The following PLXNA4 variants were observed in gnomAD, a reference collection of about 807,000 sequenced individuals.
PLXNA4 encodes plexin A4, also known as plexin-A4.
In PLXNA4, 44 loss-of-function variants were observed where a neutral mutation model predicts 191.8. That is an observed-to-expected ratio of 0.23 (90% CI 0.18 to 0.29). The LOEUF is 0.29. Among genes scored for constraint, PLXNA4 ranks in the 10% least tolerant of loss-of-function variants. PLXNA4 has a pLI of 1.00. For synonymous variants in PLXNA4, 1,082 were observed against 1,009.5 expected (o/e 1.07, Z -1.36); for missense variants, 1,800 against 2,488.8 (o/e 0.72, Z 5.89).
Position 132,129,424 on chromosome 7 carries a change from T to C in PLXNA4, c.*1055A>G, listed in dbSNP as rs1271299740. The C allele has an allele frequency of 3.9e-5, 6 of 152,158 alleles. No individual in the cohort carries two copies. The highest frequency in any genetic ancestry group is 8.8e-5 in the Non-Finnish European group (6 of 68,044). 9.4% of individuals were successfully genotyped at this position (152,158 alleles called of 1,614,324 possible). On this transcript the variant is annotated 3_prime_UTR_variant, in exon 32 of 32. Transcript: ENST00000321063. ...CCGTCTATGGAGTTCTCAGGAAGGATGATGGGGATGGAGCCATGGAGATGG... is the reference window on the plus strand; with the variant it reads ...CCGTCTATGGAGTTCTCAGGAAGGACGATGGGGATGGAGCCATGGAGATGG...
chr7:132,550,936 T>C lies in PLXNA4; in HGVS notation c.-87+25486A>G, dbSNP rs199772375. Among the ~76,000 whole-genome samples the C allele has an allele frequency of 2.0e-4, 30 of 152,260 alleles. 1 individual carries two copies. In the East Asian group the frequency reaches 4.4e-3, roughly 23 times the overall value. On this transcript the variant is annotated intron_variant, in intron 1 of 31. Coordinates refer to ENST00000321063, the MANE Select transcript of PLXNA4 (RefSeq NM_020911.2). ...CAGCTCCTCAAAAACAAGCCCCACC[T>C]CTTCCTTCTCCTGCATTCTCTCCCT...
At chr7:132,217,952 G>A (rs1445567342) in intron 9 of PLXNA4, among the ~76,000 whole-genome samples, 1 of 147,596 alleles carries the variant, frequency 6.8e-6, no homozygotes, top group African/African-American at 2.5e-5. Flanking sequence ...AGGCATGGCA[G>A]GGGTGGTTTG....
Position 132,388,329 on chromosome 7 carries a change from A to C in PLXNA4, c.1372-90107T>G, listed in dbSNP as rs116740565. On this transcript the variant is annotated intron_variant, in intron 3 of 31. Coordinates refer to ENST00000321063, the MANE Select transcript of PLXNA4 (RefSeq NM_020911.2). Reference sequence around the variant, plus strand: ...ATCACTAAAACACAGAGCTGGGGAGACCCTGGAAACTGAGGACCCCCAATG... The same window carrying C: ...ATCACTAAAACACAGAGCTGGGGAGCCCCTGGAAACTGAGGACCCCCAATG... Among the ~76,000 whole-genome samples, 269 of 151,818 alleles carry C rather than the reference A, an allele frequency of 1.8e-3. 2 individuals carry two copies. The highest frequency in any genetic ancestry group is 6.3e-3 in the African/African-American group (261 of 41,354).
intron 25 of PLXNA4, among the ~76,000 whole-genome samples, chr7:132,155,631 G>A (rs561257985): frequency 1.3e-5 from 2 of 152,252 alleles, no homozygotes; most frequent in East Asian, 1.9e-4. Flanking sequence ...GTGTAGCAGG[G>A]GGAGTGCTAC....
chr7:132,423,124 G>A (rs996314292), intron 3 of PLXNA4, among the ~76,000 whole-genome samples: 4 of 152,184 alleles, frequency 2.6e-5, no homozygotes, highest in African/African-American at 4.8e-5. Context: ...CCTCCTGTGC[G>A]AACACCGTGG....
intron 20 of PLXNA4, among the ~76,000 whole-genome samples, 153 bp downstream of exon 20, chr7:132,179,518 CACACACATTCGCACAG>C: frequency 6.6e-6 from 1 of 151,318 alleles, no homozygotes; most frequent in South Asian, 2.1e-4. Flanking sequence ...CACATGCACA[CACACACATTCGCACAG>C]ACACACACAC....
chr7:132,182,147 T>G lies in PLXNA4; in HGVS notation c.3202A>C (p.Ile1068Leu). Residue 1068 changes from isoleucine to leucine, a missense_variant, in exon 17 of 32, where the codon ATA (isoleucine) becomes CTA (leucine). Coordinates refer to ENST00000321063, the MANE Select transcript of PLXNA4 (RefSeq NM_020911.2). ...TTGGCACGGATCTGGGGGTTCTGTATGAGGTCCAGGTGGGTCCCCCATACG... is the reference window on the plus strand; with the variant it reads ...TTGGCACGGATCTGGGGGTTCTGTAGGAGGTCCAGGTGGGTCCCCCATACG... ...IAVWGTHLDL[I>L]QNPQIRAKHG... 6.2e-7 allele frequency: 1 copy of G among 1,614,178 alleles called. No homozygotes were observed. The highest frequency in any genetic ancestry group is 2.2e-5 in the East Asian group (1 of 44,860).
chr7:132,188,985 AAAGGAAAGGAGAGAGAGAGAGAG>A (rs1796977408), intron 14 of PLXNA4, among the ~76,000 whole-genome samples: 1 of 57,490 alleles, frequency 1.7e-5, no homozygotes, highest in African/African-American at 1.0e-4. Context: ...AAAGGAAAGG[AAAGGAAAGGAGAGAGAGAGAGAG>A]AGAGAGAGAG....
Position 132,531,273 on chromosome 7 carries a change from C to T in PLXNA4, c.-86-22494G>A, listed in dbSNP as rs139946194. Reference sequence around the variant, plus strand: ...ACAAGAATTTTTAAATACAGACACACTGTAGTCCTCTGCCATCCAACTCTC... The same window carrying T: ...ACAAGAATTTTTAAATACAGACACATTGTAGTCCTCTGCCATCCAACTCTC... On this transcript the variant is annotated intron_variant, in intron 1 of 31. Transcript: ENST00000321063. 3.9e-3 allele frequency among the ~76,000 whole-genome samples: 596 copies of T among 152,258 alleles called. 4 individuals carry two copies. The highest frequency in any genetic ancestry group is 0.014 in the African/African-American group (572 of 41,526).
chr7:132,271,420 T>C (rs1379369453), intron 4 of PLXNA4, among the ~76,000 whole-genome samples: 2 of 126,834 alleles, frequency 1.6e-5, no homozygotes, highest in African/African-American at 3.3e-5. Flanking sequence ...CAAGGAACTT[T>C]AGTCACTTAG....
At chr7:132,248,766 G>T (rs1799144585) in intron 4 of PLXNA4, among the ~76,000 whole-genome samples, 2 of 152,212 alleles carry the variant, frequency 1.3e-5, no homozygotes, top group South Asian at 4.1e-4. Context: ...AGAGAATGCA[G>T]CCCTCCAGAT....
chr7:132,322,016 GA>G (rs1457361526), intron 3 of PLXNA4, among the ~76,000 whole-genome samples: 1 of 151,936 alleles, frequency 6.6e-6, no homozygotes, highest in Non-Finnish European at 1.5e-5. Flanking sequence ...ATAGCAGTGA[GA>G]AAAAAACAAA....
At chr7:132,238,758 C>T (rs1798784040) in intron 5 of PLXNA4, among the ~76,000 whole-genome samples, 2 of 152,058 alleles carry the variant, frequency 1.3e-5, no homozygotes, top group African/African-American at 4.8e-5. Flanking sequence ...GGAAGAGAAG[C>T]ATGCAGTTAC....
At chr7:132,531,773 A>G (rs1412375889) in intron 1 of PLXNA4, among the ~76,000 whole-genome samples, 1 of 152,240 alleles carries the variant, frequency 6.6e-6, no homozygotes, top group African/African-American at 2.4e-5. Flanking sequence ...ACCTGAGTGC[A>G]TTCTTGCCTG....
chr7:132,526,277 T>A (rs1799397808), intron 1 of PLXNA4, among the ~76,000 whole-genome samples: 1 of 152,138 alleles, frequency 6.6e-6, no homozygotes, highest in Admixed American at 6.5e-5. Context: ...GCATCCTCCA[T>A]CACCATGGCC....
intron 3 of PLXNA4, among the ~76,000 whole-genome samples, chr7:132,435,950 C>A (rs1044898979): frequency 6.6e-6 from 1 of 152,186 alleles, no homozygotes. Flanking sequence ...ATAGAAAGAA[C>A]AATAGTACTA....
At chr7:132,591,824 C>T (rs757676762) in intron 2 of PLXNA4, among the ~76,000 whole-genome samples, 18 of 152,172 alleles carry the variant, frequency 1.2e-4, no homozygotes, top group Non-Finnish European at 4.4e-5. Context: ...TCTCAGAATG[C>T]TGCGTATTAT....
chr7:132,566,279 C>T (rs964012067), intron 1 of PLXNA4, among the ~76,000 whole-genome samples: 3 of 151,830 alleles, frequency 2.0e-5, no homozygotes, highest in Non-Finnish European at 2.9e-5. Flanking sequence ...CCCACATACA[C>T]ACTCCCACAC....
At chr7:132,541,343 G>C (rs1246338527) in intron 1 of PLXNA4, among the ~76,000 whole-genome samples, 3 of 152,238 alleles carry the variant, frequency 2.0e-5, no homozygotes. Context: ...AGCTGAGTTG[G>C]TGAACAAACC....
Sources: allele counts gnomAD v4.1 joint callset (sites outside exome capture counted in the v4.1 genomes callset), GRCh38; gene constraint gnomAD v4.1.1; transcripts MANE v1.5; gene names NCBI Gene and HGNC (gene_info 2026-07-23, HGNC 2026-07-21).